SRRM2: variants seen among roughly 807,000 people sequenced by gnomAD.
SRRM2 encodes serine/arginine repetitive matrix 2.
A neutral mutation model predicts 213.8 loss-of-function variants in SRRM2; 30 were observed. The observed-to-expected ratio is 0.14, with a 90% CI of 0.10 to 0.19. The LOEUF is 0.19. SRRM2 is among the 10% of genes least tolerant of loss of function. The pLI, the probability that SRRM2 is intolerant of heterozygous loss-of-function variation, is 1.00. For synonymous variants in SRRM2, 2,025 were observed against 1,377.7 expected (o/e 1.47, Z -10.40); for missense variants, 4,904 against 3,647.0 (o/e 1.34, Z -8.88).
At chr16:2,760,222 G>T in intron 9 of SRRM2, 79 bp from the exon 10 acceptor site, 1 of 1,394,008 alleles carries the variant, frequency 7.2e-7, no homozygotes, top group East Asian at 2.5e-5. Flanking sequence ...AAAGGTGGAT[G>T]GGAGTTGGGG....
At position 2,757,553 on chromosome 16, in the gene SRRM2, G is replaced by A. The variant is rs767767952; in HGVS notation, c.324G>A (p.Lys108=). The A allele has an allele frequency of 7.4e-6, 12 of 1,614,072 alleles. No individual in the cohort carries two copies. In the South Asian group the frequency reaches 1.2e-4, roughly 16 times the overall value. Residue 108 remains lysine (K), a synonymous_variant, in exon 3 of 15, where the codon AAG becomes AAA. Transcript: ENST00000301740. The stretch of plus-strand genomic sequence containing the variant: ...AGAAGGATGTGAACCCTGGGGGCAA[G>A]GAGGAGACCCCAGGGCAGAGGCCAG... ...LLEKDVNPGG[K]EETPGQRPAV...
At position 2,769,126 on chromosome 16, in the gene SRRM2, C is replaced by CTCCTCCTCCTCCTCTTCT; in HGVS notation, c.7875_7892dup (p.Ser2643_Ser2648dup). 1 of 1,612,930 alleles carries CTCCTCCTCCTCCTCTTCT rather than the reference C, an allele frequency of 6.2e-7. No homozygotes were observed. Among genetic ancestry groups the CTCCTCCTCCTCCTCTTCT allele is most frequent in the South Asian group, 1.1e-5 (1 of 91,034 alleles). Reference sequence around the variant, plus strand: ...GCTCCTCCTCTTCATCTTCCTCCTCCTCCTCCTCCTCCTCTTCTTCCTCCT... The same window carrying CTCCTCCTCCTCCTCTTCT: ...GCTCCTCCTCTTCATCTTCCTCCTCCTCCTCCTCCTCCTCTTCTTCCTCCTCCTCCTCTTCTTCCTCCT... On this transcript the variant is annotated inframe_insertion, in exon 12 of 15. Coordinates refer to ENST00000301740, the MANE Select transcript of SRRM2 (RefSeq NM_016333.4).
chr16:2,769,433 T>A (rs1252894385), intron 12 of SRRM2, 149 bp downstream of exon 12: 2 of 903,558 alleles, frequency 2.2e-6, no homozygotes, highest in Non-Finnish European at 3.4e-6. Context: ...CCTCTCCCCA[T>A]GCTCGTTGCA....
chr16:2,758,948 C>A, intron 5 of SRRM2, 37 bp from the exon 6 acceptor site: 2 of 1,612,094 alleles, frequency 1.2e-6, no homozygotes, highest in Non-Finnish European at 1.7e-6. Context: ...AGGAAAGAAG[C>A]CAAGCAGGAT....
chr16:2,753,990 C>G (rs888518944), intron 1 of SRRM2, among the ~76,000 whole-genome samples: 30 of 152,150 alleles, frequency 2.0e-4, no homozygotes, highest in Non-Finnish European at 2.9e-5. Flanking sequence ...TAGCTTACCA[C>G]TCGGATAATT....
chr16:2,764,953 A>G lies in SRRM2; in HGVS notation c.4425A>G (p.Arg1475=), dbSNP rs780133132. The G allele has an allele frequency of 1.2e-6, 2 of 1,614,154 alleles. No homozygotes were observed. Among genetic ancestry groups the G allele is most frequent in the South Asian group, 1.1e-5 (1 of 91,088 alleles). Residue 1475 remains arginine, a synonymous_variant, in exon 11 of 15, where the codon AGA becomes AGG. Coordinates refer to ENST00000301740, the MANE Select transcript of SRRM2 (RefSeq NM_016333.4). Reference sequence around the variant, plus strand: ...AAGATATACCTAGAACGCCATCTAGAGGGAGAAGCGAATGTGATTCTTCCC... The same window carrying G: ...AAGATATACCTAGAACGCCATCTAGGGGGAGAAGCGAATGTGATTCTTCCC... The part of the protein sequence containing the change: ...GMKDIPRTPS[R]GRSECDSSPE...
chr16:2,770,739 T>TCAG, intron 14 of SRRM2, 22 bp downstream of exon 14: 2 of 1,582,736 alleles, frequency 1.3e-6, no homozygotes, highest in South Asian at 2.3e-5. Context: ...GGAAGGCTGA[T>TCAG]GCCCCCTTCC....
At chr16:2,769,579 C>A in intron 12 of SRRM2, 2 of 639,820 alleles carry the variant, frequency 3.1e-6, no homozygotes, top group Non-Finnish European at 2.9e-6. Context: ...GTTGCTACTG[C>A]CAGGGCTCTG....
At chr16:2,758,933 G>A in intron 5 of SRRM2, 52 bp from the exon 6 acceptor site, 2 of 1,604,624 alleles carry the variant, frequency 1.2e-6, no homozygotes, top group East Asian at 2.2e-5. Flanking sequence ...GTAAGTGGGA[G>A]GGCCAGGAAA....
chr16:2,766,869 T>C lies in SRRM2; in HGVS notation c.6341T>C (p.Met2114Thr), dbSNP rs149088828. Reference protein sequence around the residue: ...TPPVALNSSRMSCFSRPSMSP... With the variant: ...TPPVALNSSRTSCFSRPSMSP... ...CCAGTAGCACTCAACAGTTCCAGAATGAGCTGCTTCAGTCGTCCTAGCATG... is the reference window on the plus strand; with the variant it reads ...CCAGTAGCACTCAACAGTTCCAGAACGAGCTGCTTCAGTCGTCCTAGCATG... The change falls in exon 11 of 15, where the codon ATG becomes ACG. Residue 2114 changes from methionine to threonine, a missense_variant. Met to Thr is a moderately conservative substitution (Grantham distance 81, BLOSUM62 -1). Coordinates refer to ENST00000301740, the MANE Select transcript of SRRM2 (RefSeq NM_016333.4). The surrounding 1 kb of genome is among the most constrained non-coding windows in gnomAD (Gnocchi z 7.0). The C allele has an allele frequency of 6.8e-6, 11 of 1,614,220 alleles. No individual in the cohort carries two copies. Among genetic ancestry groups the C allele is most frequent in the Non-Finnish European group, 8.5e-6 (10 of 1,180,050 alleles).
chr16:2,756,751 T>C (rs1747548992), intron 2 of SRRM2, 145 bp downstream of exon 2: 3 of 1,175,228 alleles, frequency 2.6e-6, no homozygotes, highest in Non-Finnish European at 3.5e-6. Context: ...TCTAGAGAAG[T>C]GAAAACAGTT....
In SRRM2 at chr16:2,766,028, T is replaced by G; in HGVS notation, c.5500T>G (p.Ser1834Ala). The G allele has an allele frequency of 3.1e-6, 5 of 1,613,544 alleles. No individual in the cohort carries two copies. The highest frequency in any genetic ancestry group is 4.2e-6 in the Non-Finnish European group (5 of 1,179,896). ...TGCCCGGCAGGAAAGTTCCCGGACC[T>G]CCTCTCGACGCCGAAGAGGCCGCTC... ...SPARQESSRT[S>A]SRRRRGRSRT... Residue 1834 changes from serine to alanine, a missense_variant, in exon 11 of 15, where the codon TCC (serine) becomes GCC (alanine). By Grantham distance (99) the Ser-to-Ala change is moderately conservative. Transcript: ENST00000301740. The surrounding 1 kb of genome is among the most constrained non-coding windows in gnomAD (Gnocchi z 7.0).
rs747688868 is a variant in SRRM2 at position 2,765,167 on chromosome 16, G to T, written c.4639G>T (p.Val1547Leu). The T allele has an allele frequency of 5.0e-6, 8 of 1,614,176 alleles. No homozygotes were observed. The East Asian group carries it at 1.8e-4, about 36-fold the overall frequency. The part of the protein sequence containing the change: ...SRSGSSQELD[V>L]KPSASPQERS... Reference sequence around the variant, plus strand: ...TTCGGGATCCTCTCAAGAACTTGATGTGAAACCCAGTGCATCCCCTCAGGA... The same window carrying T: ...TTCGGGATCCTCTCAAGAACTTGATTTGAAACCCAGTGCATCCCCTCAGGA... Residue 1547 changes from valine (V) to leucine (L), a missense_variant, in exon 11 of 15, where the codon GTG becomes TTG. Physicochemically the swap from Val to Leu is conservative, Grantham distance 32. Coordinates refer to ENST00000301740, the MANE Select transcript of SRRM2 (RefSeq NM_016333.4).
At chr16:2,760,079 A>G (rs1354598494) in intron 9 of SRRM2, 2 of 590,104 alleles carry the variant, frequency 3.4e-6, no homozygotes, top group East Asian at 5.8e-5. Context: ...GGAGGTGAGT[A>G]AAGGGGTAGA....
chr16:2,758,951 A>G (rs2068243000), intron 5 of SRRM2, 34 bp from the exon 6 acceptor site: 1 of 1,613,362 alleles, frequency 6.2e-7, no homozygotes, highest in Middle Eastern at 1.7e-4. Context: ...AAAGAAGCCA[A>G]GCAGGATGAG....
chr16:2,761,036 C>T (rs1192205488), intron 10 of SRRM2, among the ~76,000 whole-genome samples: 1 of 152,230 alleles, frequency 6.6e-6, no homozygotes, highest in Non-Finnish European at 1.5e-5. Context: ...AGTTGGTTGA[C>T]CTCAGAAACT....
At chr16:2,753,633 T>TA (rs1261016519) in intron 1 of SRRM2, 2 of 152,298 alleles carry the variant, frequency 1.3e-5, no homozygotes, top group East Asian at 1.9e-4. Flanking sequence ...CAGACTCATA[T>TA]ATAAGTTTTC....
At position 2,765,691 on chromosome 16, in the gene SRRM2, C is replaced by G. The variant is rs780775003; in HGVS notation, c.5163C>G (p.Pro1721=). The G allele has an allele frequency of 1.2e-6, 2 of 1,614,162 alleles. No individual in the cohort carries two copies. Among genetic ancestry groups the G allele is most frequent in the Non-Finnish European group, 1.7e-6 (2 of 1,180,042 alleles). ...SSSPETRSRT[P]PRHRRSPSVS... is the part of the protein sequence containing the mutation. Reference sequence around the variant, plus strand: ...CACCAGAAACTCGCTCTAGAACTCCCCCAAGGCACCGGAGAAGTCCCTCAG... The same window carrying G: ...CACCAGAAACTCGCTCTAGAACTCCGCCAAGGCACCGGAGAAGTCCCTCAG... Residue 1721 remains proline (P), a synonymous_variant, in exon 11 of 15, where the codon CCC becomes CCG. Transcript: ENST00000301740.
rs1323068138 is a variant in SRRM2, at chr16:2,764,390, C to CTTCTTTGGA, written c.3862_3863insTTCTTTGGA (p.Gln1288delinsLeuLeuTrpLys). 6.2e-7 allele frequency: 1 copy of CTTCTTTGGA among 1,613,596 alleles called. No individual in the cohort carries two copies. The highest frequency in any genetic ancestry group is 1.7e-5 in the Admixed American group (1 of 59,886). On this transcript the variant is annotated protein_altering_variant, in exon 11 of 15. Transcript: ENST00000301740. Reference sequence around the variant, plus strand: ...TGTGTCTTTGACTCTTGATCAGAGCCAGTCACAGGCTTCTTTGGAAGCAGT... The same window carrying CTTCTTTGGA: ...TGTGTCTTTGACTCTTGATCAGAGCCTTCTTTGGAAGTCACAGGCTTCTTTGGAAGCAGT...
Sources: gnomAD v4.1 joint callset for allele counts (sites outside exome capture counted in the v4.1 genomes callset) on GRCh38, gnomAD v4.1.1 for gene constraint, Gnocchi (gnomAD v3.1) non-coding constraint, MANE v1.5 for transcripts, NCBI Gene and HGNC (gene_info 2026-07-23, HGNC 2026-07-21) for gene names.